Variants in PXYLP1 observed in about 807,000 individuals in gnomAD.
The protein encoded by PXYLP1 is 2-phosphoxylose phosphatase 1.
In PXYLP1, 17 loss-of-function variants were observed where a neutral mutation model predicts 37.9. That is an observed-to-expected ratio of 0.45 (90% CI 0.31 to 0.67). The LOEUF is 0.67. Among genes scored for constraint, PXYLP1 ranks in the 30% least tolerant of loss-of-function variants. The pLI, the probability that PXYLP1 is intolerant of heterozygous loss-of-function variation, is 0.07. For missense variants in PXYLP1, 511 were observed against 612.0 expected, an observed-to-expected ratio of 0.84 and a Z score of 1.74; for synonymous variants, 221 against 232.2, an observed-to-expected ratio of 0.95 and a Z score of 0.44.
At position 141,231,968 on chromosome 3, in the gene PXYLP1, A is replaced by T. The variant is rs1429463188; in HGVS notation, c.-54+57A>T. On this transcript the variant is annotated intron_variant, in intron 1 of 5. Transcript: ENST00000286353. The surrounding 1 kb of genome is among the most constrained non-coding windows in gnomAD (Gnocchi z 4.4). ...TTGCCGTTGGGGCCGAGCAGCGCAGAGGTTCTAGGCGGGTGGGCGTCCAGG... is the reference window on the plus strand; with the variant it reads ...TTGCCGTTGGGGCCGAGCAGCGCAGTGGTTCTAGGCGGGTGGGCGTCCAGG... The T allele has an allele frequency of 2.6e-5, 4 of 152,302 alleles. No individual in the cohort carries two copies. The highest frequency in any genetic ancestry group is 5.8e-5 in the Non-Finnish European group (4 of 68,402). 9.4% of individuals were successfully genotyped at this position (152,302 alleles called of 1,614,324 possible).
At chr3:141,290,919 G>A (rs538242317) in intron 5 of PXYLP1, among the ~76,000 whole-genome samples, 2 of 152,172 alleles carry the variant, frequency 1.3e-5, no homozygotes, top group Admixed American at 6.5e-5. Flanking sequence ...AATAGGCCCC[G>A]CAGTGAACTA....
intron 2 of PXYLP1, among the ~76,000 whole-genome samples, chr3:141,261,854 G>C (rs774438369): frequency 2.0e-5 from 3 of 152,228 alleles, no homozygotes; most frequent in African/African-American, 7.2e-5. Flanking sequence ...TTCTGTTGCT[G>C]TGTATTTGAA....
chr3:141,268,810 C>A (rs1334078928), intron 2 of PXYLP1, among the ~76,000 whole-genome samples: 2 of 152,236 alleles, frequency 1.3e-5, no homozygotes, highest in African/African-American at 4.8e-5. Context: ...GCCTCAGAGC[C>A]GTAGCTCAGG....
intron 2 of PXYLP1, among the ~76,000 whole-genome samples, chr3:141,265,557 A>G (rs972668670): frequency 1.3e-5 from 2 of 152,048 alleles, no homozygotes; most frequent in African/African-American, 2.4e-5. Flanking sequence ...GGTGGCCCCA[A>G]TGAAGGTATT....
chr3:141,235,893 G>C (rs1345584537), intron 1 of PXYLP1, among the ~76,000 whole-genome samples: 3 of 152,238 alleles, frequency 2.0e-5, no homozygotes, highest in Non-Finnish European at 4.4e-5. Context: ...AAACCAGCAG[G>C]CTTCTCTGAC....
chr3:141,279,300 A>G, intron 3 of PXYLP1, 78 bp from the exon 4 acceptor site: 1 of 1,561,008 alleles, frequency 6.4e-7, no homozygotes, highest in East Asian at 2.3e-5. Context: ...AAATGTGGCC[A>G]GGTCATCCCC....
At chr3:141,242,299 G>A (rs749924443) in intron 1 of PXYLP1, among the ~76,000 whole-genome samples, 5 of 152,180 alleles carry the variant, frequency 3.3e-5, no homozygotes, top group Admixed American at 6.5e-5. Context: ...GATTAGAGGG[G>A]CTGAGTCCTC....
chr3:141,235,930 C>T (rs1940647986), intron 1 of PXYLP1, among the ~76,000 whole-genome samples: 1 of 152,210 alleles, frequency 6.6e-6, no homozygotes, highest in African/African-American at 2.4e-5. Flanking sequence ...CTGGGGAAGC[C>T]ACTGGCTTTT....
At chr3:141,270,701 GA>G (rs1941640369) in intron 2 of PXYLP1, among the ~76,000 whole-genome samples, 1 of 152,188 alleles carries the variant, frequency 6.6e-6, no homozygotes, top group South Asian at 2.1e-4. Context: ...GTATTTAAGG[GA>G]GCCAGAAAAG....
intron 2 of PXYLP1, among the ~76,000 whole-genome samples, chr3:141,268,930 C>A (rs77233341): frequency 6.6e-6 from 1 of 152,224 alleles, no homozygotes; most frequent in Non-Finnish European, 1.5e-5. Flanking sequence ...TTGCCTTTCT[C>A]TTTTCCCTGT....
At chr3:141,273,809 C>T (rs367560214) in intron 2 of PXYLP1, 2 of 985,106 alleles carry the variant, frequency 2.0e-6, no homozygotes. Flanking sequence ...GGTAATCACA[C>T]CACAGAGAAA....
intron 1 of PXYLP1, among the ~76,000 whole-genome samples, chr3:141,254,390 G>A (rs75218517): frequency 6.6e-6 from 1 of 152,164 alleles, no homozygotes; most frequent in African/African-American, 2.4e-5. Context: ...ATGTTATTTT[G>A]AATTGACTGA....
chr3:141,274,994 G>A, intron 2 of PXYLP1, among the ~76,000 whole-genome samples: 1 of 152,182 alleles, frequency 6.6e-6, no homozygotes. Flanking sequence ...TTGGGATTGG[G>A]GTCAAGATGG....
At chr3:141,244,548 A>T (rs1048927957) in intron 1 of PXYLP1, among the ~76,000 whole-genome samples, 1 of 149,906 alleles carries the variant, frequency 6.7e-6, no homozygotes, top group Non-Finnish European at 1.5e-5. Flanking sequence ...ATATGTTGGG[A>T]TATGCTAGCG....
chr3:141,264,442 A>G (rs1220481035), intron 2 of PXYLP1, among the ~76,000 whole-genome samples: 2 of 151,646 alleles, frequency 1.3e-5, no homozygotes. Flanking sequence ...AAGTCTCTTT[A>G]AACTCTAGGT....
intron 1 of PXYLP1, chr3:141,258,423 T>G (rs1941314519): frequency 6.5e-6 from 1 of 153,406 alleles, no homozygotes; most frequent in Non-Finnish European, 1.5e-5. Context: ...GGAGAATGGC[T>G]CCCACAAGAA....
intron 1 of PXYLP1, among the ~76,000 whole-genome samples, chr3:141,253,222 G>C (rs554320401): frequency 1.3e-5 from 2 of 152,208 alleles, no homozygotes; most frequent in Non-Finnish European, 2.9e-5. Flanking sequence ...CTTGAGGTCA[G>C]TGGGGAAGCT....
chr3:141,287,540 T>C, intron 5 of PXYLP1, 87 bp downstream of exon 5: 4 of 1,516,068 alleles, frequency 2.6e-6, no homozygotes, highest in Non-Finnish European at 3.5e-6. Context: ...GGCGGGGTGC[T>C]GTGCAGCTCA....
chr3:141,287,404 T>C lies in PXYLP1; in HGVS notation c.456T>C (p.Pro152=). The part of the protein sequence containing the change: ...ASFESPLNSL[P]LYPNHPLCEM... Reference sequence around the variant, plus strand: ...TCGAAAGCCCCTTGAACTCCTTGCCTCTTTACCCAAATCACCCATTGTGTG... The same window carrying C: ...TCGAAAGCCCCTTGAACTCCTTGCCCCTTTACCCAAATCACCCATTGTGTG... Residue 152 remains proline (P), a synonymous_variant, in exon 5 of 6, where the codon CCT becomes CCC. Transcript: ENST00000286353. The C allele has an allele frequency of 2.5e-6, 4 of 1,614,138 alleles. No homozygotes were observed.
Sources: allele counts gnomAD v4.1 joint callset (sites outside exome capture counted in the v4.1 genomes callset), GRCh38; gene constraint gnomAD v4.1.1; non-coding constraint Gnocchi (gnomAD v3.1); transcripts MANE v1.5; gene names NCBI Gene and HGNC (gene_info 2026-07-23, HGNC 2026-07-21).